MTNAP1: variants seen among roughly 807,000 people sequenced by gnomAD.
The protein encoded by MTNAP1 is mitochondrial nucleoid associated protein 1, also known as mitochondrial nucleoid-associated protein 1.
chr17:73,234,702 A>G, the MTNAP1 span, among the ~76,000 whole-genome samples: 7 of 140,576 alleles, frequency 5.0e-5, no homozygotes, highest in African/African-American at 7.9e-5. Flanking sequence ...AAAAAAAAGT[A>G]TAAGTGAAAA....
chr17:73,236,536 C>T, the MTNAP1 span: 1 of 1,614,186 alleles, frequency 6.2e-7, no homozygotes, highest in Non-Finnish European at 8.5e-7. Context: ...GGAAAGACCA[C>T]ATTTAAGTTT....
the MTNAP1 span, chr17:73,236,003 T>A: frequency 1.2e-6 from 2 of 1,614,200 alleles, no homozygotes; most frequent in Non-Finnish European, 1.7e-6. Flanking sequence ...GCGTCTTTAC[T>A]GGTTGGCTCA....
chr17:73,243,415 A>G, the MTNAP1 span, among the ~76,000 whole-genome samples: 3 of 152,018 alleles, frequency 2.0e-5, no homozygotes, highest in Admixed American at 6.6e-5. Flanking sequence ...CAGCCTCCCA[A>G]AGTGCTAAGA....
chr17:73,242,388 G>A, the MTNAP1 span: 1 of 1,370,038 alleles, frequency 7.3e-7, no homozygotes, highest in Non-Finnish European at 1.0e-6. Flanking sequence ...TCTGTTGCAG[G>A]TTCTGGGCAT....
chr17:73,245,846 T>A, the MTNAP1 span: 1 of 469,172 alleles, frequency 2.1e-6, no homozygotes, highest in Non-Finnish European at 2.8e-6. Context: ...AACCGGTGGC[T>A]AATGTATCAT....
the MTNAP1 span, among the ~76,000 whole-genome samples, chr17:73,240,483 T>A: frequency 6.6e-6 from 1 of 152,216 alleles, no homozygotes; most frequent in Admixed American, 6.5e-5. Flanking sequence ...GCCATATCAA[T>A]CTATAGGGAT....
At chr17:73,236,353 C>G in the MTNAP1 span, 6 of 1,613,876 alleles carry the variant, frequency 3.7e-6, no homozygotes, top group Non-Finnish European at 5.1e-6. Flanking sequence ...AGGTAAAATC[C>G]AAGTCATGGA....
At chr17:73,235,689 GT>G in the MTNAP1 span, 14 of 1,614,028 alleles carry the variant, frequency 8.7e-6, no homozygotes, top group African/African-American at 1.3e-5. Context: ...AAGGGAAAGA[GT>G]TAGAGACAGA....
the MTNAP1 span, chr17:73,242,130 C>A: frequency 1.2e-5 from 7 of 586,486 alleles, no homozygotes; most frequent in African/African-American, 1.9e-5. Flanking sequence ...CTTTAATGCA[C>A]CTGTTTAGAA....
the MTNAP1 span, among the ~76,000 whole-genome samples, chr17:73,246,408 C>T: frequency 4.6e-5 from 7 of 152,290 alleles, no homozygotes; most frequent in East Asian, 1.9e-4. Flanking sequence ...CAGTGGCACA[C>T]GCCTGTAGTC....
At chr17:73,236,314 C>T in the MTNAP1 span, 7 of 1,614,104 alleles carry the variant, frequency 4.3e-6, no homozygotes, top group Non-Finnish European at 5.1e-6. Context: ...CACAGAATCC[C>T]TCATTTTAAG....
At chr17:73,236,793 T>G in the MTNAP1 span, 5 of 1,614,046 alleles carry the variant, frequency 3.1e-6, no homozygotes, top group Non-Finnish European at 4.2e-6. Flanking sequence ...CAGCCCAGCG[T>G]CACACTCCTC....
At chr17:73,233,725 G>A in the MTNAP1 span, among the ~76,000 whole-genome samples, 10 of 152,186 alleles carry the variant, frequency 6.6e-5, no homozygotes. Flanking sequence ...TTAGCTGGGC[G>A]TGGTGGCGCA....
At chr17:73,235,244 C>T in the MTNAP1 span, among the ~76,000 whole-genome samples, 1 of 150,886 alleles carries the variant, frequency 6.6e-6, no homozygotes. Flanking sequence ...AAATAAATAA[C>T]CTTTGGTTCC....
the MTNAP1 span, chr17:73,242,099 G>C: frequency 2.0e-6 from 1 of 492,498 alleles, no homozygotes. Context: ...TCAACACTTA[G>C]CTGCAGTCCA....
the MTNAP1 span, among the ~76,000 whole-genome samples, chr17:73,241,387 T>C: frequency 0.025 from 3,866 of 152,116 alleles, 157 homozygotes; most frequent in African/African-American, 0.086. Context: ...CTCAATCTCC[T>C]GACGTCGTGA....
chr17:73,247,519 T>C, the MTNAP1 span: 336 of 584,584 alleles, frequency 5.7e-4, 1 homozygote, highest in African/African-American at 6.0e-3. Flanking sequence ...GTAGTATCAC[T>C]TGTCATAATC....
At chr17:73,248,458 T>C in the MTNAP1 span, 1 of 1,546,176 alleles carries the variant, frequency 6.5e-7, no homozygotes, top group Non-Finnish European at 8.8e-7. Flanking sequence ...GCCCTGTCTG[T>C]GGCATTGGAG....
the MTNAP1 span, chr17:73,235,537 A>G: frequency 6.2e-7 from 1 of 1,614,100 alleles, no homozygotes; most frequent in Non-Finnish European, 8.5e-7. Flanking sequence ...GAAGCCATTT[A>G]AACGATTAAA....
Sources: gnomAD v4.1 joint callset for allele counts (sites outside exome capture counted in the v4.1 genomes callset) on GRCh38, gnomAD v4.1.1 for gene constraint, MANE v1.5 for transcripts, NCBI Gene and HGNC (gene_info 2026-07-23, HGNC 2026-07-21) for gene names.